The following RPTOR variants were observed in gnomAD, a reference collection of about 807,000 sequenced individuals.
RPTOR encodes the protein regulatory-associated protein of mTOR.
A neutral mutation model predicts 169.9 loss-of-function variants in RPTOR; 21 were observed. The ratio of observed to expected loss-of-function variants is 0.12; its 90% CI spans 0.09 to 0.18. The LOEUF (loss-of-function observed/expected upper bound fraction) is 0.18. Among genes scored for constraint, RPTOR ranks in the 10% least tolerant of loss-of-function variants. RPTOR has a pLI of 1.00. For missense variants in RPTOR, 1,133 were observed against 1,855.9 expected (o/e 0.61, Z 7.16); for synonymous variants, 732 against 753.2 (o/e 0.97, Z 0.46).
intron 1 of RPTOR, among the ~76,000 whole-genome samples, chr17:80,575,009 C>T (rs1568313355): frequency 6.8e-6 from 1 of 146,604 alleles, no homozygotes; most frequent in African/African-American, 2.5e-5. Flanking sequence ...TTCTACTTTC[C>T]TTGGGTTTGT....
At chr17:80,842,511 G>C (rs887590526) in intron 10 of RPTOR, among the ~76,000 whole-genome samples, 1 of 152,170 alleles carries the variant, frequency 6.6e-6, no homozygotes, top group Non-Finnish European at 1.5e-5. Context: ...AGAGCACTCT[G>C]CAAAGTGGCT....
At chr17:80,849,223 A>G (rs1293810886) in intron 11 of RPTOR, among the ~76,000 whole-genome samples, 3 of 152,238 alleles carry the variant, frequency 2.0e-5, no homozygotes, top group Non-Finnish European at 2.9e-5. Context: ...TGCCTTGGCA[A>G]GTCAGAAAAC....
chr17:80,714,376 C>T (rs968101107), intron 4 of RPTOR, among the ~76,000 whole-genome samples: 3 of 152,098 alleles, frequency 2.0e-5, no homozygotes, highest in Admixed American at 6.6e-5. Flanking sequence ...TTTATACAGC[C>T]GTCCACACAA....
rs981057845 is a variant in RPTOR at position 80,807,885 on chromosome 17, A to T, written c.891-14316A>T. Among the ~76,000 whole-genome samples the T allele has an allele frequency of 3.3e-5, 5 of 152,306 alleles. 1 individual carries two copies. The highest frequency in any genetic ancestry group is 6.5e-5 in the Admixed American group (1 of 15,306). The stretch of plus-strand genomic sequence containing the variant: ...CTTCCCATTGTTACAACTCTTTAAA[A>T]ATGTAAAAACCATTCTTAGCCTGGG... On this transcript the variant is annotated intron_variant, in intron 7 of 33. Coordinates refer to ENST00000306801, the MANE Select transcript of RPTOR (RefSeq NM_020761.3).
In RPTOR at chr17:80,925,494, G is replaced by T. The variant is rs919810649; in HGVS notation, c.2919+14G>T. 1 of 1,601,720 alleles carries T rather than the reference G, an allele frequency of 6.2e-7. No homozygotes were observed. The highest frequency in any genetic ancestry group is 1.7e-5 in the Admixed American group (1 of 59,994). ...CCCGTCATGAAGGTGCGCCCGGGGT[G>T]TGGGGTTCAGAGTAGAGTCCTAGCG... is the stretch of plus-strand genomic sequence containing the variant. On this transcript the variant is annotated intron_variant, in intron 24 of 33. Coordinates refer to ENST00000306801, the MANE Select transcript of RPTOR (RefSeq NM_020761.3).
chr17:80,732,012 A>G (rs925192324), intron 5 of RPTOR, among the ~76,000 whole-genome samples: 1 of 152,234 alleles, frequency 6.6e-6, no homozygotes, highest in East Asian at 1.9e-4. Context: ...GATAAGGGAA[A>G]GAAAGATCAA....
intron 1 of RPTOR, among the ~76,000 whole-genome samples, chr17:80,592,771 C>T (rs575910563): frequency 1.3e-5 from 2 of 152,280 alleles, no homozygotes; most frequent in East Asian, 3.9e-4. Flanking sequence ...TAGTGTAGTT[C>T]AGTTCTCAAA....
At chr17:80,700,704 T>A (rs372871660) in intron 3 of RPTOR, among the ~76,000 whole-genome samples, 7 of 48,146 alleles carry the variant, frequency 1.5e-4, no homozygotes, top group East Asian at 5.4e-4. Flanking sequence ...GTGATGGTGG[T>A]GGTGATGGTG....
intron 13 of RPTOR, among the ~76,000 whole-genome samples, chr17:80,859,502 G>A (rs1299309267): frequency 6.6e-6 from 1 of 152,216 alleles, no homozygotes; most frequent in Non-Finnish European, 1.5e-5. Flanking sequence ...GCTGGGCTCG[G>A]AGCCAGGTTG....
intron 14 of RPTOR, among the ~76,000 whole-genome samples, chr17:80,882,660 G>A (rs886616933): frequency 1.3e-5 from 2 of 152,224 alleles, no homozygotes; most frequent in Non-Finnish European, 2.9e-5. Context: ...CAGCGAGGAG[G>A]AAACGGAACC....
intron 8 of RPTOR, among the ~76,000 whole-genome samples, chr17:80,822,643 G>T (rs2067392469): frequency 3.3e-5 from 5 of 152,218 alleles, no homozygotes; most frequent in Admixed American, 3.3e-4. Flanking sequence ...AGACTTGTTT[G>T]TATTTTTTAT....
intron 1 of RPTOR, among the ~76,000 whole-genome samples, chr17:80,583,054 C>A (rs1360038762): frequency 1.4e-5 from 2 of 147,116 alleles, no homozygotes; most frequent in South Asian, 4.4e-4. Flanking sequence ...TAGCTGGGAC[C>A]CCAGGCATGC....
At chr17:80,719,144 G>A (rs923992035) in intron 4 of RPTOR, among the ~76,000 whole-genome samples, 19 of 152,292 alleles carry the variant, frequency 1.2e-4, no homozygotes, top group African/African-American at 4.3e-4. Context: ...CATGCTGCGG[G>A]CGGTTCCCAA....
chr17:80,610,301 T>C (rs2065260774), intron 1 of RPTOR, among the ~76,000 whole-genome samples: 1 of 152,234 alleles, frequency 6.6e-6, no homozygotes, highest in Non-Finnish European at 1.5e-5. Flanking sequence ...AGCTTGATTA[T>C]ACAACATTAT....
At chr17:80,870,580 A>G (rs1232048616) in intron 13 of RPTOR, among the ~76,000 whole-genome samples, 1 of 152,200 alleles carries the variant, frequency 6.6e-6, no homozygotes, top group African/African-American at 2.4e-5. Flanking sequence ...TCATCCAGCG[A>G]TGACTCAGTC....
intron 1 of RPTOR, among the ~76,000 whole-genome samples, chr17:80,605,420 G>T (rs1307786008): frequency 6.6e-6 from 1 of 152,172 alleles, no homozygotes; most frequent in Non-Finnish European, 1.5e-5. Flanking sequence ...ATACGTGAGA[G>T]TCAGTGAAAA....
At chr17:80,790,872 A>T (rs2067040598) in intron 6 of RPTOR, among the ~76,000 whole-genome samples, 1 of 152,130 alleles carries the variant, frequency 6.6e-6, no homozygotes, top group Admixed American at 6.5e-5. Flanking sequence ...AGTAGCCCGG[A>T]TGGGAGGAGA....
At chr17:80,857,468 C>G (rs2067866475) in intron 12 of RPTOR, among the ~76,000 whole-genome samples, 1 of 152,180 alleles carries the variant, frequency 6.6e-6, no homozygotes. Context: ...GCTCTGCTGC[C>G]AAGAGCAGAC....
chr17:80,926,986 T>C (rs2068818553), intron 24 of RPTOR, among the ~76,000 whole-genome samples: 1 of 152,232 alleles, frequency 6.6e-6, no homozygotes, highest in South Asian at 2.1e-4. Context: ...CCTGCTGGGC[T>C]CACCGCTGCT....
Sources: gnomAD v4.1 joint callset for allele counts (sites outside exome capture counted in the v4.1 genomes callset) on GRCh38, gnomAD v4.1.1 for gene constraint, MANE v1.5 for transcripts, NCBI Gene and HGNC (gene_info 2026-07-23, HGNC 2026-07-21) for gene names.